TEAD1: variants seen among roughly 807,000 people sequenced by gnomAD.
The protein encoded by TEAD1 is transcriptional enhancer factor TEF-1.
In TEAD1, 9 loss-of-function variants were observed where a neutral mutation model predicts 54.9. The ratio of observed to expected loss-of-function variants is 0.16; its 90% CI spans 0.10 to 0.29. TEAD1 has a LOEUF of 0.29. TEAD1 is among the 10% of genes least tolerant of loss of function. TEAD1 has a pLI of 1.00. For synonymous variants in TEAD1, 200 were observed against 187.8 expected (o/e 1.07, Z -0.53); for missense variants, 387 against 535.9 (o/e 0.72, Z 2.74).
chr11:12,904,492 T>C (rs888419232), intron 10 of TEAD1, among the ~76,000 whole-genome samples: 4 of 152,218 alleles, frequency 2.6e-5, no homozygotes, highest in East Asian at 3.8e-4. Context: ...TTCATTGATA[T>C]GGTTTCAGAC....
intron 3 of TEAD1, among the ~76,000 whole-genome samples, chr11:12,834,549 A>G (rs766063175): frequency 1.6e-4 from 25 of 152,340 alleles, no homozygotes; most frequent in African/African-American, 4.8e-4. Flanking sequence ...AGTGTGTTGC[A>G]CAACGCCTGG....
intron 3 of TEAD1, among the ~76,000 whole-genome samples, chr11:12,841,177 A>G (rs759931441): frequency 1.6e-4 from 25 of 152,324 alleles, no homozygotes; most frequent in African/African-American, 4.8e-4. Context: ...ATCCTGAAAA[A>G]TATGTAGCCT....
chr11:12,837,581 T>G (rs1946919354), intron 3 of TEAD1, among the ~76,000 whole-genome samples: 1 of 152,170 alleles, frequency 6.6e-6, no homozygotes, highest in Non-Finnish European at 1.5e-5. Flanking sequence ...TCTCCTTGGC[T>G]TGTAGATGGC....
At chr11:12,806,087 C>G (rs1946165928) in intron 3 of TEAD1, among the ~76,000 whole-genome samples, 1 of 152,078 alleles carries the variant, frequency 6.6e-6, no homozygotes, top group African/African-American at 2.4e-5. Flanking sequence ...CTCATGTACT[C>G]TATGTTGAAA....
intron 10 of TEAD1, among the ~76,000 whole-genome samples, chr11:12,909,966 C>T (rs1044307134): frequency 6.6e-6 from 1 of 152,102 alleles, no homozygotes; most frequent in Non-Finnish European, 1.5e-5. Context: ...TTTTTCCTTA[C>T]AAAACATGAT....
intron 9 of TEAD1, among the ~76,000 whole-genome samples, chr11:12,886,733 T>A (rs1948095200): frequency 1.3e-5 from 2 of 151,996 alleles, no homozygotes; most frequent in Non-Finnish European, 2.9e-5. Flanking sequence ...TGGGCTGAAG[T>A]GATCCTCATG....
intron 10 of TEAD1, chr11:12,922,536 A>G (rs1311958927): frequency 6.6e-6 from 1 of 152,188 alleles, no homozygotes; most frequent in East Asian, 1.9e-4. Context: ...TAACCAATTC[A>G]AAAAGGAAAT....
chr11:12,913,634 T>G (rs145790300), intron 10 of TEAD1, among the ~76,000 whole-genome samples: 2 of 152,358 alleles, frequency 1.3e-5, no homozygotes, highest in East Asian at 3.9e-4. Flanking sequence ...GTTGTCAGAT[T>G]TATCAGGTTG....
intron 3 of TEAD1, among the ~76,000 whole-genome samples, chr11:12,769,877 GA>G (rs1945280449): frequency 6.6e-6 from 1 of 152,206 alleles, no homozygotes; most frequent in African/African-American, 2.4e-5. Flanking sequence ...AATGTTTGCT[GA>G]ATAAATGCTT....
At chr11:12,749,142 T>A (rs1944812337) in intron 2 of TEAD1, among the ~76,000 whole-genome samples, 1 of 152,134 alleles carries the variant, frequency 6.6e-6, no homozygotes, top group Non-Finnish European at 1.5e-5. Context: ...GGATTTGCGC[T>A]GGTTTGTTTT....
chr11:12,684,967 A>G (rs1042145924), intron 2 of TEAD1, among the ~76,000 whole-genome samples: 2 of 152,174 alleles, frequency 1.3e-5, no homozygotes, highest in Non-Finnish European at 2.9e-5. Context: ...TTCCTTCTGG[A>G]AGCTGGTGAT....
intron 2 of TEAD1, among the ~76,000 whole-genome samples, chr11:12,686,195 A>G (rs550521658): frequency 1.3e-5 from 2 of 152,306 alleles, no homozygotes; most frequent in South Asian, 2.1e-4. Flanking sequence ...TTATATGCCT[A>G]TGGTACTAAT....
At chr11:12,788,989 A>G (rs1945742470) in intron 3 of TEAD1, among the ~76,000 whole-genome samples, 1 of 152,160 alleles carries the variant, frequency 6.6e-6, no homozygotes, top group African/African-American at 2.4e-5. Flanking sequence ...GCCTCAAGTG[A>G]TCTTCCTGCC....
rs386373128 is a variant in TEAD1 at position 12,911,678 on chromosome 11, CT to C, written c.873+9581del. On this transcript the variant is annotated intron_variant, in intron 10 of 12. Coordinates refer to ENST00000527636, the MANE Select transcript of TEAD1 (RefSeq NM_021961.6). ...TTAAGTAGACTGTGGTTACATGAGT[CT>C]TTTTTTTTTTTTTTTAATTATCTCT... Among the ~76,000 whole-genome samples the C allele has an allele frequency of 8.6e-3, 1,179 of 136,838 alleles. 4 individuals carry two copies. The highest frequency in any genetic ancestry group is 0.017 in the African/African-American group (649 of 37,120). The allele number at this position is 136,838 out of a possible 152,430, so 89.8% of individuals were successfully genotyped here.
intron 3 of TEAD1, among the ~76,000 whole-genome samples, chr11:12,769,816 C>A (rs1347671922): frequency 1.3e-5 from 2 of 152,050 alleles, no homozygotes; most frequent in African/African-American, 4.8e-5. Context: ...AAGCCGGGAC[C>A]CCACCGATCA....
At chr11:12,755,895 A>T (rs1944974525) in intron 2 of TEAD1, among the ~76,000 whole-genome samples, 1 of 152,142 alleles carries the variant, frequency 6.6e-6, no homozygotes, top group African/African-American at 2.4e-5. Flanking sequence ...TAGTGACGGG[A>T]GAAAGGAAGG....
chr11:12,878,262 A>G (rs1479493038), intron 5 of TEAD1, among the ~76,000 whole-genome samples: 4 of 152,168 alleles, frequency 2.6e-5, no homozygotes, highest in Non-Finnish European at 5.9e-5. Context: ...GCAGTTGTTC[A>G]TGAGCTTTGA....
At chr11:12,697,135 G>A (rs1167798541) in intron 2 of TEAD1, among the ~76,000 whole-genome samples, 2 of 152,134 alleles carry the variant, frequency 1.3e-5, no homozygotes, top group African/African-American at 2.4e-5. Flanking sequence ...CATTAGACCT[G>A]AGTGTCCTGC....
At chr11:12,676,984 C>CTT (rs374979319) in intron 2 of TEAD1, among the ~76,000 whole-genome samples, 2,146 of 149,852 alleles carry the variant, frequency 0.014, 41 homozygotes, top group African/African-American at 0.049. Context: ...AATATTAGAA[C>CTT]TTTTTTTTTT....
Sources: gnomAD v4.1 joint callset for allele counts (sites outside exome capture counted in the v4.1 genomes callset) on GRCh38, gnomAD v4.1.1 for gene constraint, MANE v1.5 for transcripts, NCBI Gene and HGNC (gene_info 2026-07-23, HGNC 2026-07-21) for gene names.